Variants in ANGPT1 observed in about 807,000 individuals in gnomAD.
ANGPT1 encodes angiopoietin 1.
ANGPT1 carries 17 observed loss-of-function variants against 62.2 expected under a neutral mutation model. The ratio of observed to expected loss-of-function variants is 0.27; its 90% CI spans 0.19 to 0.41. ANGPT1 has a LOEUF of 0.41. Ranked by LOEUF, ANGPT1 falls within the 10% of genes least tolerant of loss-of-function variation. The pLI is 1.00. For missense variants in ANGPT1, 478 were observed against 594.9 expected (o/e 0.80, Z 2.04); for synonymous variants, 199 against 198.9 (o/e 1.00, Z 0.00).
At position 107,398,500 on chromosome 8, in the gene ANGPT1, ATTT is replaced by A. The variant is rs10556477; in HGVS notation, c.298-51406_298-51404del. On this transcript the variant is annotated intron_variant, in intron 1 of 8. Coordinates refer to ENST00000517746, the MANE Select transcript of ANGPT1 (RefSeq NM_001146.5). ...ATAAATGTTAATTTTTTTCTTTTCTATTTTTTTTTTTTTTTTTGCTAAGTGTGA... is the reference window on the plus strand; with the variant it reads ...ATAAATGTTAATTTTTTTCTTTTCTATTTTTTTTTTTTTTGCTAAGTGTGA... Among the ~76,000 whole-genome samples, 101 of 132,766 alleles carry A rather than the reference ATTT, an allele frequency of 7.6e-4. 1 individual carries two copies. In the East Asian group the frequency reaches 8.7e-3, roughly 11 times the overall value. The allele number at this position is 132,766 out of a possible 152,430, so 87.1% of individuals were successfully genotyped here.
At chr8:107,491,547 A>T (rs2130542115) in intron 1 of ANGPT1, among the ~76,000 whole-genome samples, 1 of 152,252 alleles carries the variant, frequency 6.6e-6, no homozygotes, top group South Asian at 2.1e-4. Flanking sequence ...GAATGAAGAG[A>T]AGTAGCCAAC....
intron 1 of ANGPT1, among the ~76,000 whole-genome samples, chr8:107,495,146 C>T (rs1813059148): frequency 6.6e-6 from 1 of 152,162 alleles, no homozygotes; most frequent in Non-Finnish European, 1.5e-5. Flanking sequence ...AAGTTCTTTG[C>T]TGAATGCATT....
At chr8:107,274,421 C>T (rs1263309687) in intron 7 of ANGPT1, among the ~76,000 whole-genome samples, 2 of 151,872 alleles carry the variant, frequency 1.3e-5, no homozygotes, top group Non-Finnish European at 2.9e-5. Flanking sequence ...AAAACTGTAG[C>T]CAGTTAAGAG....
At chr8:107,306,958 CA>C (rs1018234111) in intron 4 of ANGPT1, among the ~76,000 whole-genome samples, 14 of 152,000 alleles carry the variant, frequency 9.2e-5, no homozygotes, top group African/African-American at 1.9e-4. Context: ...GAACAGATGT[CA>C]GGGGGAACCT....
At chr8:107,439,078 C>T (rs576284158) in intron 1 of ANGPT1, among the ~76,000 whole-genome samples, 1 of 152,102 alleles carries the variant, frequency 6.6e-6, no homozygotes, top group South Asian at 2.1e-4. Flanking sequence ...TAGTGAACAT[C>T]ACTTGCTTAT....
intron 1 of ANGPT1, among the ~76,000 whole-genome samples, chr8:107,362,974 G>A (rs1816196382): frequency 1.3e-5 from 2 of 152,108 alleles, no homozygotes; most frequent in Non-Finnish European, 2.9e-5. Context: ...TCCAAACTGG[G>A]GGAAATGTCT....
intron 1 of ANGPT1, among the ~76,000 whole-genome samples, chr8:107,371,758 G>A (rs765935047): frequency 2.0e-5 from 3 of 151,858 alleles, no homozygotes; most frequent in Non-Finnish European, 4.4e-5. Flanking sequence ...GCATTCTTAT[G>A]CTGTCTTCCA....
At chr8:107,304,626 T>C (rs1056199387) in intron 4 of ANGPT1, among the ~76,000 whole-genome samples, 4 of 151,864 alleles carry the variant, frequency 2.6e-5, no homozygotes, top group East Asian at 1.9e-4. Flanking sequence ...TACTAACTTA[T>C]AGGTATTGAG....
intron 4 of ANGPT1, among the ~76,000 whole-genome samples, chr8:107,310,172 T>C (rs140471771): frequency 3.4e-4 from 52 of 152,308 alleles, no homozygotes; most frequent in African/African-American, 1.2e-3. Context: ...CTAGCATTAA[T>C]TGAACACTTA....
chr8:107,264,215 A>G lies in ANGPT1; in HGVS notation c.1336+6T>C. On this transcript the variant is annotated splice_donor_region_variant and intron_variant, in intron 8 of 8. Transcript: ENST00000517746. ...ATAGCTTAGAGAATGGCCCCATAGG[A>G]CTTACCTCCTGTTAACATGAGGGCA... 3 of 1,612,574 alleles carry G rather than the reference A, an allele frequency of 1.9e-6. No individual in the cohort carries two copies. The highest frequency in any genetic ancestry group is 2.5e-6 in the Non-Finnish European group (3 of 1,179,368).
chr8:107,483,848 G>A (rs923441043), intron 1 of ANGPT1, among the ~76,000 whole-genome samples: 4 of 152,164 alleles, frequency 2.6e-5, no homozygotes, highest in Middle Eastern at 3.4e-3. Flanking sequence ...CTCCAACTAA[G>A]GCAATTTGTC....
chr8:107,399,556 G>A (rs1002600480), intron 1 of ANGPT1, among the ~76,000 whole-genome samples: 12 of 151,868 alleles, frequency 7.9e-5, no homozygotes, highest in South Asian at 2.1e-4. Context: ...GGTGATTCAC[G>A]GTCTCACAGA....
chr8:107,321,829 A>T (rs1293972078), intron 4 of ANGPT1, 67 bp downstream of exon 4: 1 of 1,382,310 alleles, frequency 7.2e-7, no homozygotes, highest in African/African-American at 1.4e-5. Flanking sequence ...AGAAAGCTAT[A>T]TTGAGTATTT....
At chr8:107,427,775 G>A (rs901578594) in intron 1 of ANGPT1, among the ~76,000 whole-genome samples, 1 of 152,048 alleles carries the variant, frequency 6.6e-6, no homozygotes, top group Admixed American at 6.6e-5. Context: ...CCAAGTTCCT[G>A]TGCATATTGA....
chr8:107,327,324 G>A (rs1161717427), intron 3 of ANGPT1, among the ~76,000 whole-genome samples: 1 of 152,014 alleles, frequency 6.6e-6, no homozygotes, highest in Non-Finnish European at 1.5e-5. Flanking sequence ...ACCTCAGCTA[G>A]CATGGGGATC....
intron 1 of ANGPT1, among the ~76,000 whole-genome samples, chr8:107,442,532 C>T (rs935245568): frequency 6.6e-6 from 1 of 152,110 alleles, no homozygotes; most frequent in Non-Finnish European, 1.5e-5. Context: ...AACCAAGTCC[C>T]TTAAAATATT....
chr8:107,396,517 C>CTTTTTTTTTTTTTTTTTTTT (rs10686360), intron 1 of ANGPT1, among the ~76,000 whole-genome samples: 1 of 84,828 alleles, frequency 1.2e-5, no homozygotes, highest in Non-Finnish European at 2.1e-5. Context: ...TCTTTTCTCT[C>CTTTTTTTTTTTTTTTTTTTT]TTTTTTTTTT....
intron 1 of ANGPT1, among the ~76,000 whole-genome samples, chr8:107,414,336 T>A (rs1367454873): frequency 6.6e-6 from 1 of 152,206 alleles, no homozygotes; most frequent in African/African-American, 2.4e-5. Flanking sequence ...AGATTTTAAA[T>A]GTTCTCAATA....
chr8:107,390,636 G>C (rs1003306091), intron 1 of ANGPT1, among the ~76,000 whole-genome samples: 1 of 152,116 alleles, frequency 6.6e-6, no homozygotes, highest in Non-Finnish European at 1.5e-5. Flanking sequence ...AAAATAGAAG[G>C]AGGGTTTTAC....
Sources: allele counts gnomAD v4.1 joint callset (sites outside exome capture counted in the v4.1 genomes callset), GRCh38; gene constraint gnomAD v4.1.1; transcripts MANE v1.5; gene names NCBI Gene and HGNC (gene_info 2026-07-23, HGNC 2026-07-21).